WWOX: variants seen among roughly 807,000 people sequenced by gnomAD.
WWOX encodes WW domain containing oxidoreductase, also known as WW domain-containing oxidoreductase.
A neutral mutation model predicts 46.2 loss-of-function variants in WWOX; 69 were observed. The observed-to-expected ratio is 1.49, with a 90% CI of 1.23 to 1.82. WWOX has a LOEUF of 1.82. Among genes scored for constraint, WWOX ranks in the 40% most tolerant of loss-of-function variants. The pLI is 0.00. For synonymous variants in WWOX, 359 were observed against 202.6 expected (o/e 1.77, Z -6.56); for missense variants, 919 against 542.6 (o/e 1.69, Z -6.89).
chr16:78,615,879 T>C (rs1387635621), intron 8 of WWOX, among the ~76,000 whole-genome samples: 1 of 151,470 alleles, frequency 6.6e-6, no homozygotes, highest in African/African-American at 2.4e-5. Context: ...GCCTCCCGAG[T>C]AGTTGGGACT....
intron 8 of WWOX, among the ~76,000 whole-genome samples, chr16:78,827,711 C>G (rs1038196889): frequency 1.3e-5 from 2 of 151,572 alleles, no homozygotes; most frequent in Admixed American, 1.3e-4. Flanking sequence ...CATGGTGGTG[C>G]ATGTCTGTTA....
At position 79,000,987 on chromosome 16, in the gene WWOX, G is replaced by T. The variant is rs532304947; in HGVS notation, c.1057-210621G>T. Among the ~76,000 whole-genome samples, 6 of 152,296 alleles carry T rather than the reference G, an allele frequency of 3.9e-5. No homozygotes were observed. The East Asian group carries it at 9.7e-4, about 25-fold the overall frequency. The stretch of plus-strand genomic sequence containing the variant: ...TATGAGATTCCTAGGGCCTACCACC[G>T]CCTGGGGTCCAAGAAGAGCTCAGCG... On this transcript the variant is annotated intron_variant, in intron 8 of 8. Transcript: ENST00000566780.
chr16:78,487,025 C>A (rs1013177128), intron 8 of WWOX, among the ~76,000 whole-genome samples: 4 of 152,158 alleles, frequency 2.6e-5, no homozygotes, highest in Non-Finnish European at 5.9e-5. Context: ...CGACAGCGAG[C>A]AGACACATGT....
intron 8 of WWOX, among the ~76,000 whole-genome samples, chr16:78,809,833 C>T (rs911610645): frequency 6.6e-6 from 1 of 152,050 alleles, no homozygotes. Flanking sequence ...GGTCACTGTT[C>T]CCAGGGGATG....
chr16:78,996,831 G>C (rs375106710), intron 8 of WWOX, among the ~76,000 whole-genome samples: 21 of 152,282 alleles, frequency 1.4e-4, no homozygotes, highest in African/African-American at 4.8e-4. Context: ...GCCATCGCTT[G>C]CAGAACATCT....
intron 5 of WWOX, among the ~76,000 whole-genome samples, chr16:78,334,806 A>ACACG (rs1555521508): frequency 2.3e-5 from 3 of 130,768 alleles, no homozygotes; most frequent in African/African-American, 8.5e-5. Flanking sequence ...ACACACACAC[A>ACACG]CGCACACACA....
intron 8 of WWOX, among the ~76,000 whole-genome samples, chr16:79,035,264 G>C (rs576997098): frequency 6.6e-6 from 1 of 152,284 alleles, no homozygotes; most frequent in South Asian, 2.1e-4. Context: ...CATTGGCCCT[G>C]GCTCTACTCC....
chr16:78,570,078 T>C (rs192873771), intron 8 of WWOX, among the ~76,000 whole-genome samples: 27 of 152,358 alleles, frequency 1.8e-4, no homozygotes, highest in Admixed American at 1.8e-3. Context: ...TGTTGATTTA[T>C]GTTCATATAA....
At chr16:78,487,081 G>A (rs773913479) in intron 8 of WWOX, among the ~76,000 whole-genome samples, 22 of 152,132 alleles carry the variant, frequency 1.4e-4, no homozygotes, top group Non-Finnish European at 3.1e-4. Context: ...GTGATATTAA[G>A]GACAACAGTA....
chr16:78,643,733 G>A (rs988372488), intron 8 of WWOX, among the ~76,000 whole-genome samples: 13 of 151,672 alleles, frequency 8.6e-5, no homozygotes, highest in Non-Finnish European at 1.5e-4. Flanking sequence ...GATTTAAAAG[G>A]AAGCCCTAGA....
intron 6 of WWOX, among the ~76,000 whole-genome samples, chr16:78,399,988 T>A (rs2151943225): frequency 6.6e-6 from 1 of 152,340 alleles, no homozygotes; most frequent in South Asian, 2.1e-4. Context: ...ATTATATTTT[T>A]AGTTGAGCTA....
At chr16:78,857,364 G>A (rs2052591006) in intron 8 of WWOX, among the ~76,000 whole-genome samples, 1 of 152,184 alleles carries the variant, frequency 6.6e-6, no homozygotes, top group Admixed American at 6.5e-5. Context: ...TAACTTCCAT[G>A]TTGGTGAGCA....
chr16:78,561,670 G>A (rs577595638), intron 8 of WWOX, among the ~76,000 whole-genome samples: 1 of 152,192 alleles, frequency 6.6e-6, no homozygotes, highest in South Asian at 2.1e-4. Flanking sequence ...AAAGAAAGGG[G>A]GTAATTGAAG....
intron 5 of WWOX, among the ~76,000 whole-genome samples, chr16:78,273,146 A>G (rs548010100): frequency 1.3e-5 from 2 of 152,246 alleles, no homozygotes; most frequent in African/African-American, 4.8e-5. Context: ...AATCCTTCTC[A>G]AGTCTGTTCT....
At position 78,171,542 on chromosome 16, in the gene WWOX, C is replaced by T. The variant is rs530421892; in HGVS notation, c.516+7253C>T. Among the ~76,000 whole-genome samples the T allele has an allele frequency of 2.0e-5, 3 of 152,152 alleles. No homozygotes were observed. In the East Asian group the frequency reaches 5.8e-4, roughly 29 times the overall value. On this transcript the variant is annotated intron_variant, in intron 5 of 8. Transcript: ENST00000566780. Reference sequence around the variant, plus strand: ...ATGCCTGTCTAAGCTGGTGACTTGGCTTGGAAAAGATGATCATTCGTCAAC... The same window carrying T: ...ATGCCTGTCTAAGCTGGTGACTTGGTTTGGAAAAGATGATCATTCGTCAAC...
rs138197567 is a variant in WWOX at position 79,020,541 on chromosome 16, A to G, written c.1057-191067A>G. Among the ~76,000 whole-genome samples the G allele has an allele frequency of 7.2e-3, 1,094 of 152,358 alleles. 14 individuals carry two copies. The highest frequency in any genetic ancestry group is 0.025 in the African/African-American group (1,041 of 41,586). ...ACAGTATGAAAAGACAGGCTAGCAC[A>G]TACAACACAATCTATAAATGTTTGC... On this transcript the variant is annotated intron_variant, in intron 8 of 8. Coordinates refer to ENST00000566780, the MANE Select transcript of WWOX (RefSeq NM_016373.4).
intron 5 of WWOX, among the ~76,000 whole-genome samples, chr16:78,206,849 G>A (rs899933257): frequency 2.0e-5 from 3 of 152,128 alleles, no homozygotes; most frequent in Admixed American, 6.5e-5. Context: ...GACAAAGTAC[G>A]GTTTCAGACC....
intron 5 of WWOX, among the ~76,000 whole-genome samples, chr16:78,369,158 A>G (rs1335927507): frequency 6.6e-6 from 1 of 152,112 alleles, no homozygotes; most frequent in Non-Finnish European, 1.5e-5. Flanking sequence ...AATTAGGAGC[A>G]TCATAGCTAA....
chr16:79,076,767 C>T (rs911963641), intron 8 of WWOX, among the ~76,000 whole-genome samples: 1 of 152,210 alleles, frequency 6.6e-6, no homozygotes, highest in South Asian at 2.1e-4. Context: ...GCTTCCTGAC[C>T]TGCAGAATGG....
Sources: allele counts gnomAD v4.1 joint callset (sites outside exome capture counted in the v4.1 genomes callset), GRCh38; gene constraint gnomAD v4.1.1; transcripts MANE v1.5; gene names NCBI Gene and HGNC (gene_info 2026-07-23, HGNC 2026-07-21).